The following ABCC8 variants were observed in gnomAD, a reference collection of about 807,000 sequenced individuals.
The protein encoded by ABCC8 is ATP binding cassette subfamily C member 8.
In ABCC8, 137 loss-of-function variants were observed where a neutral mutation model predicts 188.0. That is an observed-to-expected ratio of 0.73 (90% CI 0.63 to 0.84). The LOEUF is 0.84. Among genes scored for constraint, ABCC8 ranks in the 40% least tolerant of loss-of-function variants. ABCC8 has a pLI of 0.00. For synonymous variants in ABCC8, 797 were observed against 846.5 expected (o/e 0.94, Z 1.01); for missense variants, 1,750 against 2,072.7 (o/e 0.84, Z 3.02).
chr11:17,396,315 A>G (rs1953925931), intron 33 of ABCC8: 1 of 377,820 alleles, frequency 2.6e-6, no homozygotes. Context: ...CCCGCCCTAC[A>G]ATGGAGCCAC....
chr11:17,460,914 C>T (rs1305620279), intron 5 of ABCC8: 2 of 729,982 alleles, frequency 2.7e-6, no homozygotes, highest in Non-Finnish European at 4.3e-6. Context: ...CTCAAGGTCA[C>T]ACAGCTGGTC....
At position 17,427,792 on chromosome 11, in the gene ABCC8, G is replaced by C. The variant is rs1955650504; in HGVS notation, c.2116+75C>G. The C allele has an allele frequency of 6.4e-7, 1 of 1,568,122 alleles. No homozygotes were observed. Among genetic ancestry groups the C allele is most frequent in the African/African-American group, 1.4e-5 (1 of 74,044 alleles). On this transcript the variant is annotated intron_variant, in intron 15 of 38. Transcript: ENST00000389817. This position sits in a 1 kb window ranked among gnomAD's most constrained non-coding sequence, Gnocchi z 5.0. ...AGAGAGTAGGTGCTCAATAAATGCA[G>C]CTTTGTCTTTTTATCTCTATGTTAT...
At chr11:17,438,732 A>G (rs2237983) in intron 10 of ABCC8, among the ~76,000 whole-genome samples, 69,299 of 151,670 alleles carry the variant, frequency 0.46, 17,109 homozygotes, top group African/African-American at 0.66. Context: ...AAATCCCACC[A>G]TCTTGCAAGG....
intron 8 of ABCC8, among the ~76,000 whole-genome samples, chr11:17,447,843 G>A (rs1564954501): frequency 6.6e-6 from 1 of 152,118 alleles, no homozygotes; most frequent in Non-Finnish European, 1.5e-5. Context: ...TCTTATACAC[G>A]CTTATTAGAG....
At chr11:17,424,271 T>C (rs1342376985) in intron 16 of ABCC8, among the ~76,000 whole-genome samples, 1 of 152,096 alleles carries the variant, frequency 6.6e-6, no homozygotes. Flanking sequence ...GGCACATGTA[T>C]AGCTATGTAA....
Position 17,404,810 on chromosome 11 carries a change from T to C in ABCC8, c.3400-141A>G. ...ACTGAGTCTCACTGTTGCCCAGACT[T>C]GAGTGCAGCAGCGTAATCTCGGTTC... is the stretch of plus-strand genomic sequence containing the variant. On this transcript the variant is annotated intron_variant, in intron 27 of 38. Transcript: ENST00000389817. The surrounding 1 kb of genome is among the most constrained non-coding windows in gnomAD (Gnocchi z 4.7). 2.2e-6 allele frequency: 3 copies of C among 1,334,966 alleles called. No individual in the cohort carries two copies. Among genetic ancestry groups the C allele is most frequent in the South Asian group, 1.3e-5 (1 of 74,332 alleles). The allele number at this position is 1,334,966 out of a possible 1,614,324, so 82.7% of individuals were successfully genotyped here.
rs748831440 is a variant in ABCC8 at position 17,395,650 on chromosome 11, T to C, written c.4267A>G (p.Ile1423Val). The change falls in exon 35 of 39, where the codon ATC (isoleucine) becomes GTC (valine). Residue 1423 changes from isoleucine to valine, a missense_variant. Ile to Val is a conservative substitution (Grantham distance 29). Coordinates refer to ENST00000389817, the MANE Select transcript of ABCC8 (RefSeq NM_000352.6). ...AAGAGGACGGGGTCCTGCAGGATGA[T>C]GGAGAGGCGTGAGCGCAGGGTGTGC... ...PLHTLRSRLS[I>V]ILQDPVLFSG... is the part of the protein sequence containing the mutation. 6 of 1,560,402 alleles carry C rather than the reference T, an allele frequency of 3.8e-6. No homozygotes were observed. The highest frequency in any genetic ancestry group is 1.9e-5 in the Admixed American group (1 of 52,042).
intron 3 of ABCC8, among the ~76,000 whole-genome samples, chr11:17,466,354 G>A (rs894307682): frequency 2.5e-4 from 35 of 140,004 alleles, no homozygotes; most frequent in African/African-American, 4.2e-4. Flanking sequence ...AGCCGAGATT[G>A]CACCACTGCA....
chr11:17,408,616 C>A (rs1265565958), intron 22 of ABCC8, 99 bp from the exon 23 acceptor site: 2 of 1,509,928 alleles, frequency 1.3e-6, no homozygotes, highest in African/African-American at 1.4e-5. Context: ...TGACACATCC[C>A]TTTCCTCACT....
At chr11:17,439,112 A>T (rs1387260298) in intron 10 of ABCC8, among the ~76,000 whole-genome samples, 2 of 152,310 alleles carry the variant, frequency 1.3e-5, no homozygotes, top group East Asian at 3.9e-4. Flanking sequence ...AGAGTGGGGC[A>T]CATGAATAGG....
At chr11:17,408,329 T>A in intron 23 of ABCC8, 63 bp downstream of exon 23, 1 of 1,491,752 alleles carries the variant, frequency 6.7e-7, no homozygotes, top group East Asian at 2.3e-5. Context: ...CTTTATGAGT[T>A]CAGGTTCTAG....
In ABCC8 at chr11:17,405,510, C is replaced by T; in HGVS notation, c.3383G>A (p.Cys1128Tyr). 6.2e-7 allele frequency: 1 copy of T among 1,614,252 alleles called. No homozygotes were observed. Among genetic ancestry groups the T allele is most frequent in the South Asian group, 1.1e-5 (1 of 91,086 alleles). ...CCTCTGTACCTGGTCGATGGTGTTA[C>T]AGTCAGATGAAAATCTGTTCAGGAT... The part of the protein sequence containing the change: ...GSILNRFSSD[C>Y]NTIDQHIPST... The change falls in exon 27 of 39, where the codon TGT (cysteine) becomes TAT (tyrosine). Residue 1128 changes from cysteine to tyrosine, a missense_variant. Transcript: ENST00000389817.
chr11:17,471,452 T>A (rs1195187251), intron 2 of ABCC8, among the ~76,000 whole-genome samples: 1 of 152,140 alleles, frequency 6.6e-6, no homozygotes, highest in Non-Finnish European at 1.5e-5. Flanking sequence ...GTAGAGGCAA[T>A]GTGGGCTGTC....
At chr11:17,395,567 G>C in intron 35 of ABCC8, 43 bp downstream of exon 35, 1 of 1,541,536 alleles carries the variant, frequency 6.5e-7, no homozygotes, top group Non-Finnish European at 8.7e-7. Flanking sequence ...ATGGAACTGA[G>C]CCGGCCTGGG....
At chr11:17,416,825 C>A in intron 17 of ABCC8, 105 bp downstream of exon 17, 1 of 1,507,000 alleles carries the variant, frequency 6.6e-7, no homozygotes. Flanking sequence ...GTAGGCTGCA[C>A]ATCCCTGAAT....
chr11:17,404,746 T>G lies in ABCC8; in HGVS notation c.3400-77A>C. 6.5e-7 allele frequency: 1 copy of G among 1,538,660 alleles called. No homozygotes were observed. The highest frequency in any genetic ancestry group is 8.8e-7 in the Non-Finnish European group (1 of 1,137,478). On this transcript the variant is annotated intron_variant, in intron 27 of 38. Transcript: ENST00000389817. The surrounding 1 kb of genome is among the most constrained non-coding windows in gnomAD (Gnocchi z 4.7). The stretch of plus-strand genomic sequence containing the variant: ...TTAGAGTGCTACTGGCCGCCATGTT[T>G]TGCTCTCACTTTATTTTTTGATCCT...
In ABCC8 at chr11:17,398,411, G is replaced by A. The variant is rs370636988; in HGVS notation, c.3681C>T (p.Leu1227=). 32 of 1,614,014 alleles carry A rather than the reference G, an allele frequency of 2.0e-5. No individual in the cohort carries two copies. Among genetic ancestry groups the A allele is most frequent in the African/African-American group, 5.3e-5 (4 of 74,894 alleles). Residue 1227 remains leucine, a synonymous_variant, in exon 30 of 39, where the codon CTC becomes CTT. Transcript: ENST00000389817. ...CAATGTTGTTGGAGTCTGTGTATTC[G>A]AGAAGCTTCTGCTGGAACCGGGCCT... ...RYEARFQQKL[L]EYTDSNNIAS... is the part of the protein sequence containing the mutation.
chr11:17,476,584 C>T (rs1243886003), intron 1 of ABCC8, 45 bp downstream of exon 1: 4 of 1,598,930 alleles, frequency 2.5e-6, no homozygotes, highest in Non-Finnish European at 3.4e-6. Context: ...CTCCTCCCTC[C>T]CTGCTCTCCC....
At position 17,462,242 on chromosome 11, in the gene ABCC8, A is replaced by G. The variant is rs904508449; in HGVS notation, c.580-417T>C. 5.3e-5 allele frequency among the ~76,000 whole-genome samples: 8 copies of G among 152,166 alleles called. No individual in the cohort carries two copies. The East Asian group carries it at 1.5e-3, about 29-fold the overall frequency. On this transcript the variant is annotated intron_variant, in intron 4 of 38. Coordinates refer to ENST00000389817, the MANE Select transcript of ABCC8 (RefSeq NM_000352.6). The stretch of plus-strand genomic sequence containing the variant: ...AGCAAGGTGTTTTTGGACAAGCCTC[A>G]TCTAAAATGTTTCCTCATCTATAAA...
Sources: allele counts gnomAD v4.1 joint callset (sites outside exome capture counted in the v4.1 genomes callset), GRCh38; gene constraint gnomAD v4.1.1; non-coding constraint Gnocchi (gnomAD v3.1); transcripts MANE v1.5; gene names NCBI Gene and HGNC (gene_info 2026-07-23, HGNC 2026-07-21).